The following GRK3 variants were observed in gnomAD, a reference collection of about 807,000 sequenced individuals.
GRK3 encodes the protein G protein-coupled receptor kinase 3, also known as adrenergic, beta, receptor kinase 2.
Under a neutral mutation model 95.7 loss-of-function variants are expected in GRK3, and 54 were observed. That is an observed-to-expected ratio of 0.56 (90% CI 0.45 to 0.71). The LOEUF (loss-of-function observed/expected upper bound fraction) is 0.71. Among genes scored for constraint, GRK3 ranks in the 30% least tolerant of loss-of-function variants. GRK3 has a pLI of 0.00. For missense variants in GRK3, 649 were observed against 851.2 expected (o/e 0.76, Z 2.96); for synonymous variants, 281 against 290.8 (o/e 0.97, Z 0.34).
At chr22:25,680,882 G>T (rs955039814) in intron 9 of GRK3, among the ~76,000 whole-genome samples, 7 of 151,718 alleles carry the variant, frequency 4.6e-5, no homozygotes, top group Non-Finnish European at 1.0e-4. Flanking sequence ...GTATCGGCAG[G>T]CTTTCCCGTA....
At chr22:25,673,332 G>C (rs1451279430) in intron 7 of GRK3, among the ~76,000 whole-genome samples, 3 of 151,950 alleles carry the variant, frequency 2.0e-5, no homozygotes, top group Non-Finnish European at 4.4e-5. Context: ...GAAGTGCTGG[G>C]ATTACAGGCG....
At chr22:25,620,207 G>A (rs2084573963) in intron 2 of GRK3, among the ~76,000 whole-genome samples, 1 of 152,110 alleles carries the variant, frequency 6.6e-6, no homozygotes, top group Non-Finnish European at 1.5e-5. Context: ...TAGAGAGGCT[G>A]GAGAAGGCAG....
At chr22:25,659,548 A>C (rs1377119640) in intron 3 of GRK3, among the ~76,000 whole-genome samples, 1 of 152,192 alleles carries the variant, frequency 6.6e-6, no homozygotes, top group African/African-American at 2.4e-5. Flanking sequence ...GCAGTAGGGA[A>C]GACTTTTCAC....
intron 10 of GRK3, among the ~76,000 whole-genome samples, chr22:25,686,188 C>G (rs139909544): frequency 0.02 from 2,972 of 151,222 alleles, 43 homozygotes; most frequent in Non-Finnish European, 0.028. Context: ...CGCCACTGCA[C>G]TCCAGTCTGG....
intron 13 of GRK3, among the ~76,000 whole-genome samples, chr22:25,698,995 C>T (rs552357558): frequency 2.0e-5 from 3 of 152,154 alleles, no homozygotes; most frequent in South Asian, 4.2e-4. Flanking sequence ...GGGAGAATAA[C>T]GATGTCATTA....
intron 9 of GRK3, among the ~76,000 whole-genome samples, chr22:25,679,757 C>T (rs1249747657): frequency 6.6e-6 from 1 of 152,026 alleles, no homozygotes; most frequent in Non-Finnish European, 1.5e-5. Flanking sequence ...ATGGGGTGAG[C>T]GTGGAGGGGC....
chr22:25,591,296 G>A (rs2146327865), intron 1 of GRK3, among the ~76,000 whole-genome samples: 1 of 152,318 alleles, frequency 6.6e-6, no homozygotes, highest in Non-Finnish European at 1.5e-5. Context: ...GGGGTAGAGA[G>A]CAGAGCTTCT....
intron 15 of GRK3, 26 bp downstream of exon 15, chr22:25,704,235 T>C (rs1250911480): frequency 1.3e-6 from 2 of 1,562,040 alleles, no homozygotes; most frequent in African/African-American, 2.7e-5. Flanking sequence ...TGCCTTTCGG[T>C]ATCTTTACCA....
rs1307818081 is a variant in GRK3 at position 25,728,386 on chromosome 22, T to C, written c.*5936T>C. On this transcript the variant is annotated 3_prime_UTR_variant, in exon 21 of 21. Coordinates refer to ENST00000324198, the MANE Select transcript of GRK3 (RefSeq NM_005160.4). ...GGACTGGCTATCTCATAAAAGGATT[T>C]CTGTAAGACTTTGCAGTGTCATTCC... 1 of 152,250 alleles carries C rather than the reference T, an allele frequency of 6.6e-6. No homozygotes were observed. Among genetic ancestry groups the C allele is most frequent in the East Asian group, 1.9e-4 (1 of 5,196 alleles). 9.4% of individuals were successfully genotyped at this position (152,250 alleles called of 1,614,324 possible). A position where few individuals can be genotyped will look rare whatever the true frequency, so the allele number is the denominator to read the frequency against.
intron 9 of GRK3, among the ~76,000 whole-genome samples, chr22:25,683,574 C>T (rs2085090964): frequency 6.6e-6 from 1 of 152,164 alleles, no homozygotes; most frequent in African/African-American, 2.4e-5. Flanking sequence ...TAGCTGTTCT[C>T]GTGGGTTTAG....
At chr22:25,671,806 A>G (rs1202155837) in intron 6 of GRK3, among the ~76,000 whole-genome samples, 2 of 152,256 alleles carry the variant, frequency 1.3e-5, no homozygotes, top group African/African-American at 4.8e-5. Flanking sequence ...TGGCTGTCCA[A>G]TATGGTAGCC....
chr22:25,628,703 G>A (rs1262754035), intron 2 of GRK3, among the ~76,000 whole-genome samples: 3 of 152,226 alleles, frequency 2.0e-5, no homozygotes, highest in African/African-American at 7.2e-5. Flanking sequence ...GTCAGGGACT[G>A]TACACAGGGA....
At chr22:25,567,844 T>A (rs143640367) in intron 1 of GRK3, among the ~76,000 whole-genome samples, 1 of 152,228 alleles carries the variant, frequency 6.6e-6, no homozygotes, top group African/African-American at 2.4e-5. Flanking sequence ...TCTAGCTAAT[T>A]TAAATGAAAC....
intron 3 of GRK3, among the ~76,000 whole-genome samples, chr22:25,654,983 G>A (rs886517836): frequency 6.6e-6 from 1 of 152,086 alleles, no homozygotes; most frequent in Non-Finnish European, 1.5e-5. Flanking sequence ...CACTCTTGGG[G>A]CTCAAGTGCA....
intron 6 of GRK3, 27 bp downstream of exon 6, chr22:25,667,827 A>T: frequency 7.3e-7 from 1 of 1,374,242 alleles, no homozygotes; most frequent in African/African-American, 1.4e-5. Flanking sequence ...ATATATATAC[A>T]CAATTTTTTA....
rs368961540 is a variant in GRK3, at chr22:25,722,491, G to T, written c.*41G>T. On this transcript the variant is annotated 3_prime_UTR_variant, in exon 21 of 21. Coordinates refer to ENST00000324198, the MANE Select transcript of GRK3 (RefSeq NM_005160.4). ...AGGGTCCTCGAGGAGGACACACCAG[G>T]GTCTCAGCCTTTTGGGGTGAACGAG... 2.5e-6 allele frequency: 4 copies of T among 1,602,444 alleles called. No individual in the cohort carries two copies. In the African/African-American group the frequency reaches 5.4e-5, roughly 21 times the overall value.
chr22:25,592,829 ATC>A (rs1357611370), intron 1 of GRK3, among the ~76,000 whole-genome samples: 1 of 144,050 alleles, frequency 6.9e-6, no homozygotes, highest in Non-Finnish European at 1.5e-5. Flanking sequence ...CATCCCTGGT[ATC>A]CAAATCCAGC....
chr22:25,567,208 T>C (rs1424204058), intron 1 of GRK3, among the ~76,000 whole-genome samples: 2 of 152,232 alleles, frequency 1.3e-5, no homozygotes, highest in Non-Finnish European at 2.9e-5. Context: ...ATTGTTACTC[T>C]GTTGCTCTTT....
chr22:25,650,301 A>C (rs1167467241), intron 3 of GRK3, among the ~76,000 whole-genome samples: 4 of 152,198 alleles, frequency 2.6e-5, no homozygotes, highest in Admixed American at 6.5e-5. Flanking sequence ...TTGGCCTCCC[A>C]AAGGCATGAG....
Sources: allele counts gnomAD v4.1 joint callset (sites outside exome capture counted in the v4.1 genomes callset), GRCh38; gene constraint gnomAD v4.1.1; transcripts MANE v1.5; gene names NCBI Gene and HGNC (gene_info 2026-07-23, HGNC 2026-07-21).